MACROD1: variants seen among roughly 807,000 people sequenced by gnomAD.
MACROD1 encodes mono-ADP ribosylhydrolase 1.
MACROD1 carries 31 observed loss-of-function variants against 41.4 expected under a neutral mutation model. That is an observed-to-expected ratio of 0.75 (90% CI 0.56 to 1.01). MACROD1 has a LOEUF of 1.01. Ranked by LOEUF, MACROD1 falls within the 50% of genes least tolerant of loss-of-function variation. The pLI, the probability that MACROD1 is intolerant of heterozygous loss-of-function variation, is 0.00. For missense variants in MACROD1, 473 were observed against 460.0 expected, an observed-to-expected ratio of 1.03 and a Z score of -0.26; for synonymous variants, 252 against 203.4, an observed-to-expected ratio of 1.24 and a Z score of -2.03.
At chr11:64,079,727 G>A (rs944328795) in intron 3 of MACROD1, among the ~76,000 whole-genome samples, 2 of 152,124 alleles carry the variant, frequency 1.3e-5, no homozygotes, top group African/African-American at 4.8e-5. Flanking sequence ...CAGGGAGAGA[G>A]TGGGGCGCAC....
At chr11:64,130,451 A>C (rs1945249237) in intron 3 of MACROD1, among the ~76,000 whole-genome samples, 1 of 151,976 alleles carries the variant, frequency 6.6e-6, no homozygotes, top group African/African-American at 2.4e-5. Context: ...ACTTCCCAGG[A>C]GGGGTCTCTG....
At chr11:64,063,235 G>A (rs1943937458) in intron 3 of MACROD1, among the ~76,000 whole-genome samples, 1 of 152,044 alleles carries the variant, frequency 6.6e-6, no homozygotes, top group South Asian at 2.1e-4. Flanking sequence ...CTGTGCCTCA[G>A]TTTCCTCATC....
At chr11:64,048,413 C>T (rs1049915840) in intron 3 of MACROD1, among the ~76,000 whole-genome samples, 1 of 152,186 alleles carries the variant, frequency 6.6e-6, no homozygotes, top group Admixed American at 6.5e-5. Context: ...AGGGTCTGCC[C>T]TGGACCCTCC....
chr11:64,081,922 C>T (rs1170535484), intron 3 of MACROD1: 1 of 152,180 alleles, frequency 6.6e-6, no homozygotes, highest in Non-Finnish European at 1.5e-5. Context: ...CCTCTGGACT[C>T]CCGGCTCTCG....
At chr11:64,087,658 T>C (rs1404659568) in intron 3 of MACROD1, among the ~76,000 whole-genome samples, 2 of 152,174 alleles carry the variant, frequency 1.3e-5, no homozygotes, top group Non-Finnish European at 2.9e-5. Context: ...CAGCCACGGG[T>C]CCTTGTCCTC....
At chr11:64,099,276 G>T (rs1944630120) in intron 3 of MACROD1, among the ~76,000 whole-genome samples, 1 of 152,260 alleles carries the variant, frequency 6.6e-6, no homozygotes, top group South Asian at 2.1e-4. Flanking sequence ...ACACTGCCCT[G>T]TGTGCGTCTC....
At position 63,999,418 on chromosome 11, in the gene MACROD1, G is replaced by T. The variant is rs1319877689; in HGVS notation, c.818-14C>A. 1 of 1,566,336 alleles carries T rather than the reference G, an allele frequency of 6.4e-7. No homozygotes were observed. The highest frequency in any genetic ancestry group is 8.6e-7 in the Non-Finnish European group (1 of 1,159,022). ...CACAGGGGTAGCCTGAGGCGGGTGG[G>T]GCGGGAGTGAGTCCTAGGCTCTGGC... is the stretch of plus-strand genomic sequence containing the variant. On this transcript the variant is annotated splice_polypyrimidine_tract_variant and intron_variant, in intron 7 of 10. Coordinates refer to ENST00000255681, the MANE Select transcript of MACROD1 (RefSeq NM_014067.4).
intron 1 of MACROD1, among the ~76,000 whole-genome samples, chr11:64,154,170 C>T (rs1350491695): frequency 2.0e-5 from 3 of 152,186 alleles, no homozygotes; most frequent in African/African-American, 7.2e-5. Context: ...ACCTCCGGGG[C>T]TGTCCCTCCA....
At position 64,067,202 on chromosome 11, in the gene MACROD1, T is replaced by C. The variant is rs1001991227; in HGVS notation, c.518-51921A>G. On this transcript the variant is annotated intron_variant, in intron 3 of 10. Transcript: ENST00000255681. This position sits in a 1 kb window ranked among gnomAD's most constrained non-coding sequence, Gnocchi z 4.6. ...GTAGGCACATGCGGCTCCAAGGAGA[T>C]GGCAGATGGGAGGGGTGGGGAGAGG... is the stretch of plus-strand genomic sequence containing the variant. Among the ~76,000 whole-genome samples the C allele has an allele frequency of 6.6e-6, 1 of 151,834 alleles. No individual in the cohort carries two copies. The highest frequency in any genetic ancestry group is 1.5e-5 in the Non-Finnish European group (1 of 67,940).
intron 3 of MACROD1, among the ~76,000 whole-genome samples, chr11:64,114,329 G>GGACA (rs1434875908): frequency 1.4e-5 from 2 of 143,006 alleles, no homozygotes; most frequent in East Asian, 2.3e-4. Context: ...ATGGATGGAC[G>GGACA]GACAGTAGAT....
intron 3 of MACROD1, among the ~76,000 whole-genome samples, chr11:64,065,831 C>T (rs186581941): frequency 8.6e-5 from 13 of 151,474 alleles, no homozygotes; most frequent in Admixed American, 5.9e-4. Flanking sequence ...GAGACTCCCC[C>T]TCTCTCCATG....
In MACROD1 at chr11:64,146,997, G is replaced by GT. The variant is rs1185543743; in HGVS notation, c.517+4241dup. Among the ~76,000 whole-genome samples the GT allele has an allele frequency of 6.6e-6, 1 of 152,122 alleles. No homozygotes were observed. The highest frequency in any genetic ancestry group is 2.4e-5 in the African/African-American group (1 of 41,418). ...CAATCACATCTCATAGCCCAATAAT[G>GT]TAAGAGTGGAAACCAGTCCTGAATT... On this transcript the variant is annotated intron_variant, in intron 3 of 10. Coordinates refer to ENST00000255681, the MANE Select transcript of MACROD1 (RefSeq NM_014067.4). This position sits in a 1 kb window ranked among gnomAD's most constrained non-coding sequence, Gnocchi z 4.7.
chr11:64,128,690 AG>A (rs1945222678), intron 3 of MACROD1, among the ~76,000 whole-genome samples: 1 of 134,720 alleles, frequency 7.4e-6, no homozygotes, highest in South Asian at 2.4e-4. Context: ...GACACCCCCC[AG>A]GCCCAGTGTG....
intron 3 of MACROD1, among the ~76,000 whole-genome samples, chr11:64,140,217 G>A (rs1945392290): frequency 6.6e-6 from 1 of 152,212 alleles, no homozygotes. Flanking sequence ...CCCTGTCCTA[G>A]CCCACCTCAC....
At chr11:64,071,980 G>C (rs1944116030) in intron 3 of MACROD1, among the ~76,000 whole-genome samples, 1 of 152,236 alleles carries the variant, frequency 6.6e-6, no homozygotes, top group Admixed American at 6.5e-5. Flanking sequence ...AGGGGAACGG[G>C]CTGGCTCCTG....
At chr11:64,134,945 G>A (rs760592881) in intron 3 of MACROD1, among the ~76,000 whole-genome samples, 1 of 152,216 alleles carries the variant, frequency 6.6e-6, no homozygotes, top group Non-Finnish European at 1.5e-5. Flanking sequence ...TCCCAGGGAA[G>A]GCAGAGAGAT....
chr11:64,065,739 G>A (rs576307459), intron 3 of MACROD1, among the ~76,000 whole-genome samples: 8 of 147,304 alleles, frequency 5.4e-5, no homozygotes, highest in Middle Eastern at 7.4e-3. Flanking sequence ...GCAGTGAGCT[G>A]AGATGGCGCC....
chr11:64,042,374 GC>G (rs1271618306), intron 3 of MACROD1, among the ~76,000 whole-genome samples: 2 of 152,182 alleles, frequency 1.3e-5, no homozygotes, highest in East Asian at 1.9e-4. Context: ...CCAGACAGTG[GC>G]CATCTGTTGC....
At chr11:64,071,884 G>A (rs563135408) in intron 3 of MACROD1, among the ~76,000 whole-genome samples, 85 of 152,318 alleles carry the variant, frequency 5.6e-4, no homozygotes, top group Non-Finnish European at 8.4e-4. Context: ...GAGAGCCCTG[G>A]GAGGGCGCCT....
Sources: gnomAD v4.1 joint callset for allele counts (sites outside exome capture counted in the v4.1 genomes callset) on GRCh38, gnomAD v4.1.1 for gene constraint, Gnocchi (gnomAD v3.1) non-coding constraint, MANE v1.5 for transcripts, NCBI Gene and HGNC (gene_info 2026-07-23, HGNC 2026-07-21) for gene names.